The following KLHL14 variants were observed in gnomAD, a reference collection of about 807,000 sequenced individuals.
KLHL14 encodes kelch-like protein 14.
A neutral mutation model predicts 64.3 loss-of-function variants in KLHL14; 22 were observed. The ratio of observed to expected loss-of-function variants is 0.34; its 90% CI spans 0.24 to 0.49. KLHL14 has a LOEUF of 0.49. Ranked by LOEUF, KLHL14 falls within the 20% of genes least tolerant of loss-of-function variation. The probability of loss-of-function intolerance (pLI) is 0.99; values close to 1 mark genes in which losing one functional copy is unlikely to be tolerated. For missense variants in KLHL14, 661 were observed against 789.0 expected (o/e 0.84, Z 1.94); for synonymous variants, 322 against 333.4 (o/e 0.97, Z 0.37).
At chr18:32,728,059 T>C (rs1001207200) in intron 3 of KLHL14, among the ~76,000 whole-genome samples, 2 of 152,210 alleles carry the variant, frequency 1.3e-5, no homozygotes, top group African/African-American at 4.8e-5. Flanking sequence ...TATTCTTTCT[T>C]CAATCTTCAA....
chr18:32,726,317 C>A (rs573117155), intron 3 of KLHL14, among the ~76,000 whole-genome samples: 2 of 152,214 alleles, frequency 1.3e-5, no homozygotes, highest in African/African-American at 4.8e-5. Context: ...CCTGGATAGA[C>A]AACTACTATT....
chr18:32,681,562 CT>C (rs1008131476), intron 5 of KLHL14, among the ~76,000 whole-genome samples: 1 of 152,064 alleles, frequency 6.6e-6, no homozygotes, highest in African/African-American at 2.4e-5. Flanking sequence ...CTCTTTGCTT[CT>C]TTTTTTCACT....
chr18:32,673,824 T>C lies in KLHL14; in HGVS notation c.*833A>G, dbSNP rs957736616. ...ATCTAACAGAATCTCTAAAATAGTA[T>C]TGACTGAATTTGTCAATCCTGTCTT... is the stretch of plus-strand genomic sequence containing the variant. On this transcript the variant is annotated 3_prime_UTR_variant, in exon 9 of 9. Coordinates refer to ENST00000359358, the MANE Select transcript of KLHL14 (RefSeq NM_020805.3). The C allele has an allele frequency of 6.6e-6, 1 of 152,202 alleles. No homozygotes were observed. The highest frequency in any genetic ancestry group is 2.4e-5 in the African/African-American group (1 of 41,452). 9.4% of individuals were successfully genotyped at this position (152,202 alleles called of 1,614,324 possible).
intron 2 of KLHL14, chr18:32,743,917 G>A (rs1205124196): frequency 6.6e-6 from 1 of 152,158 alleles, no homozygotes; most frequent in African/African-American, 2.4e-5. Context: ...ACCACTCTGT[G>A]TGTGTAAGAG....
chr18:32,691,154 T>C (rs898417336), intron 4 of KLHL14, among the ~76,000 whole-genome samples: 6 of 152,194 alleles, frequency 3.9e-5, no homozygotes, highest in East Asian at 1.9e-4. Context: ...CCACCATATA[T>C]AGGAATGTTT....
At chr18:32,696,686 C>T (rs2049938313) in intron 3 of KLHL14, among the ~76,000 whole-genome samples, 1 of 152,050 alleles carries the variant, frequency 6.6e-6, no homozygotes, top group African/African-American at 2.4e-5. Context: ...TTTGCCAATG[C>T]AGGGAGAGAG....
chr18:32,749,043 G>A (rs2050238972), intron 2 of KLHL14, among the ~76,000 whole-genome samples: 1 of 152,098 alleles, frequency 6.6e-6, no homozygotes, highest in South Asian at 2.1e-4. Flanking sequence ...TGACAAGCAG[G>A]TGGCCTATGC....
At chr18:32,717,893 G>A (rs1037877402) in intron 3 of KLHL14, among the ~76,000 whole-genome samples, 4 of 152,042 alleles carry the variant, frequency 2.6e-5, no homozygotes, top group African/African-American at 7.2e-5. Flanking sequence ...TCCTCTAAAC[G>A]TTCATTTTCT....
At chr18:32,697,834 T>C (rs1486962999) in intron 3 of KLHL14, among the ~76,000 whole-genome samples, 1 of 152,224 alleles carries the variant, frequency 6.6e-6, no homozygotes, top group Non-Finnish European at 1.5e-5. Context: ...AAAGAAGGTC[T>C]TTGAAGTCCT....
At chr18:32,760,397 T>C (rs12606529) in intron 2 of KLHL14, among the ~76,000 whole-genome samples, 41,293 of 151,438 alleles carry the variant, frequency 0.27, 6,041 homozygotes, top group South Asian at 0.43. Context: ...CATCCATCTT[T>C]CCATATTTTT....
At chr18:32,704,612 C>G (rs1220083108) in intron 3 of KLHL14, among the ~76,000 whole-genome samples, 1 of 152,044 alleles carries the variant, frequency 6.6e-6, no homozygotes, top group Non-Finnish European at 1.5e-5. Flanking sequence ...ATCCCAGCTA[C>G]TTGGGGGGCT....
At chr18:32,685,871 T>A (rs1016234115) in intron 5 of KLHL14, among the ~76,000 whole-genome samples, 1 of 152,234 alleles carries the variant, frequency 6.6e-6, no homozygotes, top group African/African-American at 2.4e-5. Context: ...AATTTTCTTT[T>A]AGCTTGGAAT....
At chr18:32,695,897 A>G (rs2049934519) in intron 3 of KLHL14, among the ~76,000 whole-genome samples, 1 of 152,084 alleles carries the variant, frequency 6.6e-6, no homozygotes, top group South Asian at 2.1e-4. Flanking sequence ...ACACTCCTAA[A>G]TGGTCAGGGC....
intron 3 of KLHL14, among the ~76,000 whole-genome samples, chr18:32,697,073 A>G (rs2144487507): frequency 6.6e-6 from 1 of 152,280 alleles, no homozygotes; most frequent in Non-Finnish European, 1.5e-5. Context: ...CGGTCCATGA[A>G]TTAGGTCAAT....
intron 2 of KLHL14, among the ~76,000 whole-genome samples, chr18:32,759,621 T>G (rs1457479497): frequency 6.6e-6 from 1 of 152,200 alleles, no homozygotes; most frequent in Non-Finnish European, 1.5e-5. Flanking sequence ...AGGTGAGATT[T>G]AAACTAGCAT....
chr18:32,693,407 CACACACAGAGAGAGAG>C (rs1382399579), intron 4 of KLHL14, among the ~76,000 whole-genome samples: 2 of 119,792 alleles, frequency 1.7e-5, no homozygotes, highest in Non-Finnish European at 3.6e-5. Flanking sequence ...CACACACACA[CACACACAGAGAGAGAG>C]AGAGAGAGAG....
chr18:32,765,650 T>C (rs1381185293), intron 2 of KLHL14, among the ~76,000 whole-genome samples: 4 of 152,180 alleles, frequency 2.6e-5, no homozygotes, highest in Non-Finnish European at 4.4e-5. Context: ...TTGTTAAGGT[T>C]ATTACTCAGT....
intron 2 of KLHL14, among the ~76,000 whole-genome samples, chr18:32,755,473 T>C (rs1024607018): frequency 1.3e-5 from 2 of 152,200 alleles, no homozygotes; most frequent in Admixed American, 6.5e-5. Context: ...ATTTGGTAAT[T>C]CCAGCAACTT....
In KLHL14 at chr18:32,683,636, C is replaced by T. The variant is rs1411634672; in HGVS notation, c.1239-3037G>A. The stretch of plus-strand genomic sequence containing the variant: ...TGTTCATCTCTCCCTCCTTCAGCCT[C>T]CCCTGCCCCCACTGCCAGAAGCAAT... On this transcript the variant is annotated intron_variant, in intron 5 of 8. Transcript: ENST00000359358. This position sits in a 1 kb window ranked among gnomAD's most constrained non-coding sequence, Gnocchi z 4.2. 6.6e-6 allele frequency among the ~76,000 whole-genome samples: 1 copy of T among 152,196 alleles called. No homozygotes were observed. The highest frequency in any genetic ancestry group is 2.4e-5 in the African/African-American group (1 of 41,442).
Sources: allele counts gnomAD v4.1 joint callset (sites outside exome capture counted in the v4.1 genomes callset), GRCh38; gene constraint gnomAD v4.1.1; non-coding constraint Gnocchi (gnomAD v3.1); transcripts MANE v1.5; gene names NCBI Gene and HGNC (gene_info 2026-07-23, HGNC 2026-07-21).